DGKB: variants seen among roughly 807,000 people sequenced by gnomAD.
DGKB encodes the protein diacylglycerol kinase beta.
Under a neutral mutation model 114.3 loss-of-function variants are expected in DGKB, and 67 were observed. That is an observed-to-expected ratio of 0.59 (90% CI 0.48 to 0.72). The LOEUF (loss-of-function observed/expected upper bound fraction) is 0.72, where lower values mean the gene tolerates loss of function less well. Among genes scored for constraint, DGKB ranks in the 30% least tolerant of loss-of-function variants. The pLI, the probability that DGKB is intolerant of heterozygous loss-of-function variation, is 0.00. For synonymous variants in DGKB, 398 were observed against 323.1 expected (o/e 1.23, Z -2.49); for missense variants, 907 against 975.2 (o/e 0.93, Z 0.93).
Position 14,574,108 on chromosome 7 carries a change from GTA to G in DGKB, c.1770+102_1770+103del, listed in dbSNP as rs554955100. ...AAGAGATGTTTTGATGGCACAAAAGGTAAAATAAGTTATTTATAATCAGTAAA... is the reference window on the plus strand; with the variant it reads ...AAGAGATGTTTTGATGGCACAAAAGGAAATAAGTTATTTATAATCAGTAAA... On this transcript the variant is annotated intron_variant, in intron 20 of 25. Transcript: ENST00000402815. The G allele has an allele frequency of 8.3e-3, 7,397 of 887,990 alleles. 99 individuals carry two copies. The highest frequency in any genetic ancestry group is 6.0e-3 in the Non-Finnish European group (3,586 of 599,904). The allele number at this position is 887,990 out of a possible 1,614,324, so 55.0% of individuals were successfully genotyped here.
At chr7:14,569,657 G>C (rs184152689) in intron 20 of DGKB, among the ~76,000 whole-genome samples, 16 of 152,092 alleles carry the variant, frequency 1.1e-4, no homozygotes, top group African/African-American at 3.4e-4. Flanking sequence ...CAATTCAATT[G>C]TAGCATGTAT....
intron 20 of DGKB, among the ~76,000 whole-genome samples, chr7:14,559,023 C>G (rs1796274130): frequency 6.6e-6 from 1 of 152,172 alleles, no homozygotes; most frequent in Non-Finnish European, 1.5e-5. Flanking sequence ...TTAGAAGCCT[C>G]CAAATATTCC....
chr7:14,156,219 A>G (rs1227260751), intron 25 of DGKB, among the ~76,000 whole-genome samples: 1 of 152,198 alleles, frequency 6.6e-6, no homozygotes, highest in African/African-American at 2.4e-5. Context: ...TCGGTTTGGT[A>G]CAATGGTCTG....
chr7:14,365,414 A>G (rs1816503242), intron 21 of DGKB, among the ~76,000 whole-genome samples: 1 of 152,094 alleles, frequency 6.6e-6, no homozygotes, highest in African/African-American at 2.4e-5. Context: ...TATATGTAAA[A>G]GAATCAGAAC....
chr7:14,916,982 T>C (rs1784270307), intron 1 of DGKB, among the ~76,000 whole-genome samples: 4 of 151,946 alleles, frequency 2.6e-5, no homozygotes, highest in Non-Finnish European at 4.4e-5. Context: ...AACAGAAAGA[T>C]AGCTAGAAAA....
intron 10 of DGKB, among the ~76,000 whole-genome samples, chr7:14,684,261 A>T (rs556788502): frequency 6.6e-6 from 1 of 152,170 alleles, no homozygotes; most frequent in Non-Finnish European, 1.5e-5. Context: ...AGAAGCTGCT[A>T]GCTAACGACA....
rs1233296724 is a variant in DGKB at position 14,148,266 on chromosome 7, T to A, written c.*865A>T. 4 of 152,640 alleles carry A rather than the reference T, an allele frequency of 2.6e-5. No homozygotes were observed. The East Asian group carries it at 7.7e-4, about 29-fold the overall frequency. 9.5% of individuals were successfully genotyped at this position (152,640 alleles called of 1,614,324 possible). A position where few individuals can be genotyped will look rare whatever the true frequency, so the allele number is the denominator to read the frequency against. On this transcript the variant is annotated 3_prime_UTR_variant, in exon 26 of 26. Coordinates refer to ENST00000402815, the MANE Select transcript of DGKB (RefSeq NM_001350709.2). ...CAGGAACCCTAAATTTGCTCCACAA[T>A]GCTTAATTAATTATGCATTAACCCA...
chr7:14,200,875 T>G (rs758588984), intron 23 of DGKB, among the ~76,000 whole-genome samples: 6 of 151,840 alleles, frequency 4.0e-5, no homozygotes, highest in Non-Finnish European at 8.8e-5. Context: ...TTGTGAGAAA[T>G]TAGGTAATGA....
chr7:14,968,117 C>T (rs1360722738), intron 1 of DGKB, among the ~76,000 whole-genome samples: 4 of 151,798 alleles, frequency 2.6e-5, no homozygotes, highest in Non-Finnish European at 5.9e-5. Flanking sequence ...TTTATATGAT[C>T]CTCTTTACAT....
intron 17 of DGKB, among the ~76,000 whole-genome samples, chr7:14,586,872 T>A (rs529157124): frequency 3.9e-5 from 6 of 151,934 alleles, no homozygotes; most frequent in Non-Finnish European, 5.9e-5. Flanking sequence ...AAAAAAAGAT[T>A]CCTTTCAAAA....
chr7:14,576,429 T>G (rs1417934045), intron 19 of DGKB, among the ~76,000 whole-genome samples: 4 of 151,828 alleles, frequency 2.6e-5, no homozygotes, highest in African/African-American at 9.7e-5. Context: ...TTTTACCTAC[T>G]GAATTAAGTA....
At chr7:14,246,489 C>T (rs566896726) in intron 23 of DGKB, among the ~76,000 whole-genome samples, 1 of 152,246 alleles carries the variant, frequency 6.6e-6, no homozygotes, top group Non-Finnish European at 1.5e-5. Flanking sequence ...GCTGACAATA[C>T]TTAAATCCAT....
At chr7:14,782,207 G>T (rs1839212055) in intron 2 of DGKB, among the ~76,000 whole-genome samples, 1 of 152,054 alleles carries the variant, frequency 6.6e-6, no homozygotes, top group African/African-American at 2.4e-5. Context: ...TGTATTTTCA[G>T]TACAGAATGG....
At chr7:14,210,781 A>G (rs1456942229) in intron 23 of DGKB, among the ~76,000 whole-genome samples, 2 of 152,106 alleles carry the variant, frequency 1.3e-5, no homozygotes, top group African/African-American at 2.4e-5. Flanking sequence ...GCAGTCTGCC[A>G]TCTAAGAATC....
At chr7:14,678,053 G>C (rs1224511595) in intron 12 of DGKB, among the ~76,000 whole-genome samples, 1 of 152,000 alleles carries the variant, frequency 6.6e-6, no homozygotes, top group Non-Finnish European at 1.5e-5. Flanking sequence ...ATGGAGATTT[G>C]AGTATTACAG....
intron 23 of DGKB, among the ~76,000 whole-genome samples, chr7:14,232,835 A>T (rs73679696): frequency 6.6e-6 from 1 of 151,942 alleles, no homozygotes; most frequent in African/African-American, 2.4e-5. Flanking sequence ...TAAAGTAGCA[A>T]CTCCCAGAAT....
At chr7:14,850,127 A>C (rs1317166397) in intron 1 of DGKB, among the ~76,000 whole-genome samples, 2 of 152,206 alleles carry the variant, frequency 1.3e-5, no homozygotes, top group Admixed American at 6.5e-5. Context: ...TGAGCAATTA[A>C]ATGACAATTG....
At position 14,191,884 on chromosome 7, in the gene DGKB, T is replaced by C. The variant is rs1015213552; in HGVS notation, c.2123-13733A>G. ...CAGTTCACATTGCTTGCCAGTTTGC[T>C]GAGCTGAAGGAAAAGATTGATTGCC... On this transcript the variant is annotated intron_variant, in intron 23 of 25. Transcript: ENST00000402815. 18 of 532,856 alleles carry C rather than the reference T, an allele frequency of 3.4e-5. No homozygotes were observed. The Middle Eastern group carries it at 1.8e-3, about 53-fold the overall frequency. The allele number at this position is 532,856 out of a possible 1,614,324, so 33.0% of individuals were successfully genotyped here. A position where few individuals can be genotyped will look rare whatever the true frequency, so the allele number is the denominator to read the frequency against.
intron 4 of DGKB, among the ~76,000 whole-genome samples, chr7:14,747,773 G>A (rs144589655): frequency 1.3e-4 from 13 of 103,904 alleles, no homozygotes; most frequent in Non-Finnish European, 1.7e-4. Context: ...ACACATCCAC[G>A]CGCACGCACA....
Sources: allele counts gnomAD v4.1 joint callset (sites outside exome capture counted in the v4.1 genomes callset), GRCh38; gene constraint gnomAD v4.1.1; transcripts MANE v1.5; gene names NCBI Gene and HGNC (gene_info 2026-07-23, HGNC 2026-07-21).